XKR6: variants seen among roughly 807,000 people sequenced by gnomAD.
XKR6 encodes XK related 6, also known as XK-related protein 6.
XKR6 carries 22 observed loss-of-function variants against 56.7 expected under a neutral mutation model. That is an observed-to-expected ratio of 0.39 (90% CI 0.28 to 0.55). The LOEUF is 0.55. Among genes scored for constraint, XKR6 ranks in the 20% least tolerant of loss-of-function variants. XKR6 has a pLI of 0.66. For missense variants in XKR6, 852 were observed against 889.0 expected (o/e 0.96, Z 0.53); for synonymous variants, 524 against 387.8 (o/e 1.35, Z -4.13).
chr8:11,176,995 A>C (rs748902496), intron 1 of XKR6, among the ~76,000 whole-genome samples: 1 of 152,180 alleles, frequency 6.6e-6, no homozygotes, highest in Non-Finnish European at 1.5e-5. Context: ...CAGGACGCCA[A>C]TGTCATCTCA....
At chr8:11,110,796 C>G (rs1798857347) in intron 1 of XKR6, among the ~76,000 whole-genome samples, 1 of 152,024 alleles carries the variant, frequency 6.6e-6, no homozygotes, top group Non-Finnish European at 1.5e-5. Flanking sequence ...AAGTAGCCCA[C>G]AGTTTTAAAT....
chr8:11,004,184 T>C (rs1225325612), intron 1 of XKR6, among the ~76,000 whole-genome samples: 3 of 151,880 alleles, frequency 2.0e-5, no homozygotes, highest in African/African-American at 4.9e-5. Flanking sequence ...GTTAAAAAGC[T>C]CCTGTGGGGC....
At chr8:11,143,908 G>A (rs535362120) in intron 1 of XKR6, among the ~76,000 whole-genome samples, 126 of 152,276 alleles carry the variant, frequency 8.3e-4, no homozygotes, top group African/African-American at 2.5e-3. Context: ...TCTCAAATGG[G>A]TTGTTTTCTC....
chr8:10,957,782 C>T (rs946714340), intron 1 of XKR6, among the ~76,000 whole-genome samples: 38 of 152,078 alleles, frequency 2.5e-4, no homozygotes, highest in Non-Finnish European at 2.8e-4. Context: ...TCAGAACAAG[C>T]GAAACTGGGG....
At chr8:10,990,571 G>C (rs1797967502) in intron 1 of XKR6, among the ~76,000 whole-genome samples, 1 of 152,074 alleles carries the variant, frequency 6.6e-6, no homozygotes. Context: ...GAGCTGCTGG[G>C]GAATGTTTGT....
At chr8:11,007,445 C>T (rs1446040155) in intron 1 of XKR6, among the ~76,000 whole-genome samples, 1 of 152,134 alleles carries the variant, frequency 6.6e-6, no homozygotes, top group Non-Finnish European at 1.5e-5. Flanking sequence ...TGCCTAAAAG[C>T]CAAAATCATG....
chr8:11,190,192 AAAG>A (rs753056416), intron 1 of XKR6, among the ~76,000 whole-genome samples: 23 of 108,912 alleles, frequency 2.1e-4, no homozygotes, highest in Non-Finnish European at 4.0e-4. Flanking sequence ...GAAAAGAAAG[AAAG>A]AAAGAAAGAA....
intron 1 of XKR6, among the ~76,000 whole-genome samples, chr8:11,145,279 A>G (rs1034518616): frequency 6.7e-6 from 1 of 149,640 alleles, no homozygotes; most frequent in Non-Finnish European, 1.5e-5. Context: ...AAATCCAAAA[A>G]CACTTCTGGT....
chr8:11,201,576 C>T lies in XKR6; in HGVS notation c.-237G>A, dbSNP rs1334382942. ...GGCGCCCGCAGCTCCCCAGCCCTAC[C>T]CTCCCGGCCAAGATGGCCGCCCTCC... On this transcript the variant is annotated 5_prime_UTR_variant, in exon 1 of 3. Coordinates refer to ENST00000416569, the MANE Select transcript of XKR6 (RefSeq NM_173683.4). 3.9e-5 allele frequency among the ~76,000 whole-genome samples: 6 copies of T among 152,208 alleles called. No individual in the cohort carries two copies. The highest frequency in any genetic ancestry group is 1.4e-4 in the African/African-American group (6 of 41,534).
intron 1 of XKR6, among the ~76,000 whole-genome samples, chr8:11,038,279 T>C (rs1236774924): frequency 6.6e-6 from 1 of 152,200 alleles, no homozygotes; most frequent in East Asian, 1.9e-4. Context: ...TCTCTGCTTT[T>C]TAAATGTTAG....
intron 1 of XKR6, among the ~76,000 whole-genome samples, chr8:10,925,670 A>T (rs1800858942): frequency 6.6e-6 from 1 of 152,174 alleles, no homozygotes; most frequent in East Asian, 1.9e-4. Flanking sequence ...GGGGATCTTG[A>T]ACTAGTTATT....
intron 1 of XKR6, among the ~76,000 whole-genome samples, chr8:10,954,897 T>A (rs1288516777): frequency 1.4e-5 from 2 of 145,658 alleles, no homozygotes; most frequent in Non-Finnish European, 3.0e-5. Context: ...AGACAGAGTT[T>A]CACTCTTTTC....
intron 1 of XKR6, among the ~76,000 whole-genome samples, chr8:11,064,463 TAAAAG>T (rs902241528): frequency 1.4e-4 from 22 of 152,178 alleles, no homozygotes; most frequent in Non-Finnish European, 2.4e-4. Context: ...CCCAACATCT[TAAAAG>T]AAAGGAAGCA....
At chr8:10,994,222 T>C (rs955713600) in intron 1 of XKR6, among the ~76,000 whole-genome samples, 4 of 152,218 alleles carry the variant, frequency 2.6e-5, no homozygotes, top group African/African-American at 9.6e-5. Context: ...GCCACCAATC[T>C]GAATCCACCC....
chr8:10,956,664 G>C (rs1446739507), intron 1 of XKR6, among the ~76,000 whole-genome samples: 1 of 144,260 alleles, frequency 6.9e-6, no homozygotes, highest in Non-Finnish European at 1.5e-5. Flanking sequence ...TTGCCTTTAG[G>C]AGAACAGCGG....
At chr8:11,116,060 CT>C (rs2129181534) in intron 1 of XKR6, among the ~76,000 whole-genome samples, 2 of 152,270 alleles carry the variant, frequency 1.3e-5, no homozygotes, top group African/African-American at 4.8e-5. Flanking sequence ...AATCAATAAG[CT>C]TTGAAAGTAC....
chr8:11,022,555 G>C (rs1336875306), intron 1 of XKR6, among the ~76,000 whole-genome samples: 6 of 152,202 alleles, frequency 3.9e-5, no homozygotes, highest in Non-Finnish European at 5.9e-5. Flanking sequence ...CCCAAACTCA[G>C]TCAGCAGCCA....
chr8:10,990,480 G>T (rs1030047029), intron 1 of XKR6, among the ~76,000 whole-genome samples: 7 of 152,210 alleles, frequency 4.6e-5, no homozygotes, highest in Admixed American at 1.3e-4. Context: ...TACTGCCCAT[G>T]GTGCTGAAAA....
intron 1 of XKR6, among the ~76,000 whole-genome samples, chr8:10,976,045 G>A (rs1347880478): frequency 1.3e-5 from 2 of 152,142 alleles, no homozygotes; most frequent in African/African-American, 4.8e-5. Flanking sequence ...GCGCAATGGC[G>A]GGCGCCTGTA....
Sources: gnomAD v4.1 joint callset for allele counts (sites outside exome capture counted in the v4.1 genomes callset) on GRCh38, gnomAD v4.1.1 for gene constraint, MANE v1.5 for transcripts, NCBI Gene and HGNC (gene_info 2026-07-23, HGNC 2026-07-21) for gene names.